Variants in ENTREP2 observed in about 807,000 individuals in gnomAD.
ENTREP2 encodes endosomal transmembrane epsin interactor 2.
chr15:29,541,997 T>C, the ENTREP2 span, among the ~76,000 whole-genome samples: 1 of 152,140 alleles, frequency 6.6e-6, no homozygotes, highest in South Asian at 2.1e-4. Flanking sequence ...TTGGCTTGAA[T>C]TGGTAGGGTT....
At chr15:29,272,474 ATTTG>A in the ENTREP2 span, among the ~76,000 whole-genome samples, 30,383 of 151,966 alleles carry the variant, frequency 0.2, 4,579 homozygotes, top group African/African-American at 0.43. Context: ...ATTACACTAT[ATTTG>A]TTCTACTTTA....
chr15:29,268,901 TG>T, the ENTREP2 span: 1 of 1,614,184 alleles, frequency 6.2e-7, no homozygotes, highest in African/African-American at 1.3e-5. Context: ...TTATGGACCT[TG>T]GCCACAAACT....
the ENTREP2 span, among the ~76,000 whole-genome samples, chr15:29,663,621 C>A: frequency 1.3e-5 from 2 of 152,154 alleles, no homozygotes; most frequent in African/African-American, 4.8e-5. Flanking sequence ...GGACAAAAAA[C>A]CAAACACCGC....
chr15:29,252,844 C>T, the ENTREP2 span, among the ~76,000 whole-genome samples: 7 of 152,084 alleles, frequency 4.6e-5, no homozygotes, highest in African/African-American at 1.7e-4. Flanking sequence ...ATTAGAAGGC[C>T]TTTAGGTTTA....
the ENTREP2 span, among the ~76,000 whole-genome samples, chr15:29,208,971 A>T: frequency 1.3e-5 from 2 of 152,178 alleles, no homozygotes; most frequent in Non-Finnish European, 2.9e-5. Flanking sequence ...AAAGCCAGGA[A>T]GAATTCTTTT....
the ENTREP2 span, among the ~76,000 whole-genome samples, chr15:29,579,497 A>G: frequency 6.6e-6 from 1 of 151,046 alleles, no homozygotes; most frequent in African/African-American, 2.4e-5. Flanking sequence ...TGCTCCAGCA[A>G]AATACTGGCC....
chr15:29,313,797 A>T, the ENTREP2 span, among the ~76,000 whole-genome samples: 1 of 152,222 alleles, frequency 6.6e-6, no homozygotes, highest in Non-Finnish European at 1.5e-5. Flanking sequence ...GAGATGCCAT[A>T]CATAGTGATC....
the ENTREP2 span, among the ~76,000 whole-genome samples, chr15:29,303,100 G>A: frequency 6.6e-6 from 1 of 152,148 alleles, no homozygotes; most frequent in East Asian, 1.9e-4. Flanking sequence ...AAGATACTTC[G>A]GAGCCCACAC....
the ENTREP2 span, among the ~76,000 whole-genome samples, chr15:29,585,881 G>T: frequency 7.0e-6 from 1 of 142,006 alleles, no homozygotes; most frequent in Non-Finnish European, 1.5e-5. Flanking sequence ...AAAAAAAAAT[G>T]GCACAACCAC....
At chr15:29,535,806 G>A in the ENTREP2 span, among the ~76,000 whole-genome samples, 1 of 150,782 alleles carries the variant, frequency 6.6e-6, no homozygotes, top group South Asian at 2.1e-4. Flanking sequence ...GTGTGATCTC[G>A]GCTCACCAGA....
At chr15:29,524,189 C>T in the ENTREP2 span, among the ~76,000 whole-genome samples, 1 of 152,112 alleles carries the variant, frequency 6.6e-6, no homozygotes, top group African/African-American at 2.4e-5. Context: ...AAAAAGACAA[C>T]TCAATTGGAA....
At chr15:29,240,576 T>C in the ENTREP2 span, among the ~76,000 whole-genome samples, 6 of 152,106 alleles carry the variant, frequency 3.9e-5, no homozygotes, top group South Asian at 2.1e-4. Context: ...CCATGGGATA[T>C]TGCAGCAAAA....
At chr15:29,119,972 C>T in the ENTREP2 span, among the ~76,000 whole-genome samples, 1 of 152,232 alleles carries the variant, frequency 6.6e-6, no homozygotes, top group African/African-American at 2.4e-5. Context: ...ACATCTGAGC[C>T]ATGGCCTGCA....
chr15:29,224,206 C>T, the ENTREP2 span, among the ~76,000 whole-genome samples: 1 of 151,940 alleles, frequency 6.6e-6, no homozygotes, highest in Non-Finnish European at 1.5e-5. Context: ...GCTCTCAAAT[C>T]GGCGCGTCTG....
chr15:29,341,635 G>T, the ENTREP2 span, among the ~76,000 whole-genome samples: 1 of 152,170 alleles, frequency 6.6e-6, no homozygotes, highest in Admixed American at 6.5e-5. Flanking sequence ...GTCAAAAGGG[G>T]GAGTGGCGAG....
chr15:29,372,673 A>G, the ENTREP2 span, among the ~76,000 whole-genome samples: 7 of 152,236 alleles, frequency 4.6e-5, no homozygotes, highest in African/African-American at 1.7e-4. Context: ...TTCTAAATTT[A>G]TTGAAGAATG....
chr15:29,515,035 C>T, the ENTREP2 span, among the ~76,000 whole-genome samples: 4 of 152,194 alleles, frequency 2.6e-5, no homozygotes, highest in Non-Finnish European at 2.9e-5. Context: ...AAACCTACCA[C>T]GAACACTTTC....
At chr15:29,478,457 G>C in the ENTREP2 span, among the ~76,000 whole-genome samples, 69,969 of 151,998 alleles carry the variant, frequency 0.46, 16,318 homozygotes, top group African/African-American at 0.54. Context: ...GTGTGATGTA[G>C]TTTGGATATT....
At chr15:29,607,308 T>A in the ENTREP2 span, among the ~76,000 whole-genome samples, 2 of 151,648 alleles carry the variant, frequency 1.3e-5, no homozygotes, top group East Asian at 3.9e-4. Context: ...TCATTTCTTT[T>A]TTTTTTTTTT....
Sources: gnomAD v4.1 joint callset for allele counts (sites outside exome capture counted in the v4.1 genomes callset) on GRCh38, gnomAD v4.1.1 for gene constraint, MANE v1.5 for transcripts, NCBI Gene and HGNC (gene_info 2026-07-23, HGNC 2026-07-21) for gene names.